CDNF: variants seen among roughly 807,000 people sequenced by gnomAD.
CDNF encodes ARMET-like protein 1.
A neutral mutation model predicts 14.8 loss-of-function variants in CDNF; 9 were observed. The observed-to-expected ratio is 0.61, with a 90% CI of 0.37 to 1.06. The LOEUF (loss-of-function observed/expected upper bound fraction) is 1.06. Ranked by LOEUF, CDNF falls within the 50% of genes least tolerant of loss-of-function variation. The pLI, the probability that CDNF is intolerant of heterozygous loss-of-function variation, is 0.01. For synonymous variants in CDNF, 86 were observed against 87.2 expected (o/e 0.99, Z 0.07); for missense variants, 228 against 228.4 (o/e 1.00, Z 0.01).
intron 2 of CDNF, among the ~76,000 whole-genome samples, chr10:14,826,134 A>AAGC (rs1833786949): frequency 8.3e-6 from 1 of 120,500 alleles, no homozygotes; most frequent in South Asian, 2.5e-4. Context: ...GAAGCAGGAG[A>AAGC]AGGAGAAGGA....
chr10:14,820,420 T>C (rs1298407576), intron 3 of CDNF, among the ~76,000 whole-genome samples: 1 of 151,880 alleles, frequency 6.6e-6, no homozygotes, highest in Non-Finnish European at 1.5e-5. Context: ...AAGATAACAC[T>C]ACAACAATTA....
chr10:14,829,748 G>GC (rs1159137812), intron 1 of CDNF, among the ~76,000 whole-genome samples: 1 of 151,996 alleles, frequency 6.6e-6, no homozygotes, highest in Non-Finnish European at 1.5e-5. Context: ...TCCTGCCTCA[G>GC]CCCCCCAAGT....
chr10:14,830,241 T>A (rs1383262957), intron 1 of CDNF, among the ~76,000 whole-genome samples: 3 of 152,274 alleles, frequency 2.0e-5, no homozygotes, highest in South Asian at 4.1e-4. Flanking sequence ...AGATATATAT[T>A]TTTTCTTTTT....
At chr10:14,825,316 C>G (rs576546356) in intron 3 of CDNF, among the ~76,000 whole-genome samples, 163 bp downstream of exon 3, 4 of 152,114 alleles carry the variant, frequency 2.6e-5, no homozygotes, top group Admixed American at 2.6e-4. Flanking sequence ...CTTCCCTCAA[C>G]GAAACTCAAA....
intron 1 of CDNF, among the ~76,000 whole-genome samples, chr10:14,833,351 G>A (rs1006320016): frequency 1.3e-5 from 2 of 152,096 alleles, no homozygotes; most frequent in African/African-American, 4.8e-5. Flanking sequence ...CCTTCCTGAC[G>A]AAGAGGGAAT....
chr10:14,822,473 G>A (rs1833745528), intron 3 of CDNF, among the ~76,000 whole-genome samples: 1 of 152,112 alleles, frequency 6.6e-6, no homozygotes, highest in African/African-American at 2.4e-5. Context: ...CATCTCAGGA[G>A]GCTGAGGCAG....
intron 1 of CDNF, among the ~76,000 whole-genome samples, chr10:14,831,798 TCTC>T (rs1454427085): frequency 6.6e-6 from 1 of 152,120 alleles, no homozygotes; most frequent in Non-Finnish European, 1.5e-5. Flanking sequence ...ACGGTCTCGA[TCTC>T]CTCACCTGGT....
Position 14,831,549 on chromosome 10 carries a change from T to C in CDNF, c.116-3277A>G, listed in dbSNP as rs188293941. 7.7e-3 allele frequency among the ~76,000 whole-genome samples: 1,130 copies of C among 147,304 alleles called. 8 individuals are homozygous for C. The highest frequency in any genetic ancestry group is 0.014 in the Middle Eastern group (4 of 282). On this transcript the variant is annotated intron_variant, in intron 1 of 3. Coordinates refer to ENST00000465530, the MANE Select transcript of CDNF (RefSeq NM_001029954.3). The stretch of plus-strand genomic sequence containing the variant: ...TATATACACATATATAATACATATA[T>C]ACACACACACACACACACATATATA...
intron 2 of CDNF, among the ~76,000 whole-genome samples, chr10:14,826,503 A>AAGAAG (rs1564313902): frequency 2.3e-5 from 3 of 129,016 alleles, no homozygotes; most frequent in African/African-American, 9.6e-5. Flanking sequence ...AGAAGAAGAA[A>AAGAAG]AAGAAGCAGC....
At chr10:14,826,093 A>AGAAGAAGAAGAAGAG in intron 2 of CDNF, among the ~76,000 whole-genome samples, 1 of 128,472 alleles carries the variant, frequency 7.8e-6, no homozygotes, top group Non-Finnish European at 1.6e-5. Context: ...AAGAAGAAGA[A>AGAAGAAGAAGAAGAG]GAAGCAGCAG....
chr10:14,831,909 A>G (rs1256805576), intron 1 of CDNF, among the ~76,000 whole-genome samples: 5 of 152,212 alleles, frequency 3.3e-5, no homozygotes, highest in African/African-American at 1.2e-4. Context: ...CAACATGAAC[A>G]GAATACTAAA....
chr10:14,825,484 T>C lies in CDNF; in HGVS notation c.380A>G (p.Lys127Arg), dbSNP rs1833771667. ...KKLDSQICEL[K>R]YEKTLDLASV... is the part of the protein sequence containing the mutation. The stretch of plus-strand genomic sequence containing the variant: ...AACACGGGGCTGTGTTATACCATAT[T>C]TCAGCTCACAGATCTGGCTATCCAA... The change falls in exon 3 of 4, where the codon AAA (lysine) becomes AGA (arginine). Residue 127 changes from lysine to arginine, a missense_variant. Lys to Arg is a conservative substitution (Grantham distance 26). Transcript: ENST00000465530. 1.2e-6 allele frequency: 2 copies of C among 1,613,978 alleles called. No homozygotes were observed. Among genetic ancestry groups the C allele is most frequent in the Non-Finnish European group, 8.5e-7 (1 of 1,179,954 alleles).
intron 2 of CDNF, among the ~76,000 whole-genome samples, chr10:14,826,695 G>T (rs1833799668): frequency 6.6e-6 from 1 of 152,168 alleles, no homozygotes. Flanking sequence ...GCCAGGTGCT[G>T]CTCTCAGTGC....
intron 2 of CDNF, 89 bp from the exon 3 acceptor site, chr10:14,825,709 A>T: frequency 1.4e-6 from 2 of 1,411,738 alleles, no homozygotes; most frequent in Non-Finnish European, 2.0e-6. Context: ...ATCAAGAAGA[A>T]AGAGGTAGGC....
At chr10:14,822,055 T>C (rs548280902) in intron 3 of CDNF, among the ~76,000 whole-genome samples, 46 of 152,346 alleles carry the variant, frequency 3.0e-4, no homozygotes, top group African/African-American at 9.4e-4. Context: ...ACCTTAATTG[T>C]TTGGGATCTC....
intron 1 of CDNF, among the ~76,000 whole-genome samples, chr10:14,831,790 G>A (rs1007299222): frequency 6.6e-6 from 1 of 151,996 alleles, no homozygotes; most frequent in African/African-American, 2.4e-5. Flanking sequence ...TGGCCAGGAC[G>A]GTCTCGATCT....
chr10:14,820,152 G>A lies in CDNF; in HGVS notation c.392C>T (p.Thr131Ile), dbSNP rs770215223. Residue 131 changes from threonine (T) to isoleucine (I), a missense_variant, in exon 4 of 4, where the codon ACA (threonine) becomes ATA (isoleucine). Coordinates refer to ENST00000465530, the MANE Select transcript of CDNF (RefSeq NM_001029954.3). Reference sequence around the variant, plus strand: ...CAGGTCAACTGATGCCAAGTCCAGTGTTTTTTCTAAATGGCAAAAAGGAAA... The same window carrying A: ...CAGGTCAACTGATGCCAAGTCCAGTATTTTTTCTAAATGGCAAAAAGGAAA... ...SQICELKYEK[T>I]LDLASVDLRK... 1.7e-5 allele frequency: 28 copies of A among 1,601,944 alleles called. No homozygotes were observed. The highest frequency in any genetic ancestry group is 1.7e-4 in the Middle Eastern group (1 of 6,028).
At chr10:14,829,529 G>A (rs577844783) in intron 1 of CDNF, among the ~76,000 whole-genome samples, 9 of 152,306 alleles carry the variant, frequency 5.9e-5, no homozygotes, top group African/African-American at 2.2e-4. Flanking sequence ...ATATCTTGAA[G>A]ATACTTTCAA....
chr10:14,835,814 A>G (rs1453182963), intron 1 of CDNF, among the ~76,000 whole-genome samples: 1 of 152,240 alleles, frequency 6.6e-6, no homozygotes, highest in Non-Finnish European at 1.5e-5. Flanking sequence ...CAGGCAAGGA[A>G]AAAGAAGAGT....
Sources: allele counts gnomAD v4.1 joint callset (sites outside exome capture counted in the v4.1 genomes callset), GRCh38; gene constraint gnomAD v4.1.1; transcripts MANE v1.5; gene names NCBI Gene and HGNC (gene_info 2026-07-23, HGNC 2026-07-21).